The following GALNT10 variants were observed in gnomAD, a reference collection of about 807,000 sequenced individuals.
GALNT10 encodes polypeptide N-acetylgalactosaminyltransferase 10.
In GALNT10, 41 loss-of-function variants were observed where a neutral mutation model predicts 75.0. That is an observed-to-expected ratio of 0.55 (90% CI 0.43 to 0.71). GALNT10 has a LOEUF of 0.71. Ranked by LOEUF, GALNT10 falls within the 30% of genes least tolerant of loss-of-function variation. GALNT10 has a pLI of 0.00. For missense variants in GALNT10, 727 were observed against 818.5 expected, an observed-to-expected ratio of 0.89 and a Z score of 1.36; for synonymous variants, 302 against 313.0, an observed-to-expected ratio of 0.96 and a Z score of 0.37.
At chr5:154,325,879 CA>C (rs1169559653) in intron 3 of GALNT10, among the ~76,000 whole-genome samples, 1 of 151,654 alleles carries the variant, frequency 6.6e-6, no homozygotes, top group African/African-American at 2.4e-5. Flanking sequence ...GACAATTAGA[CA>C]AGAAAAAGAC....
At chr5:154,214,962 T>C (rs1752843097) in intron 1 of GALNT10, among the ~76,000 whole-genome samples, 1 of 152,194 alleles carries the variant, frequency 6.6e-6, no homozygotes, top group South Asian at 2.1e-4. Flanking sequence ...GTGGCAATGA[T>C]TAACTGAGAA....
intron 4 of GALNT10, among the ~76,000 whole-genome samples, chr5:154,339,937 G>A (rs1755007495): frequency 6.6e-6 from 1 of 152,216 alleles, no homozygotes; most frequent in African/African-American, 2.4e-5. Context: ...TCTTCCTTAG[G>A]AAAGCTCCTG....
chr5:154,286,582 G>A (rs78697105), intron 1 of GALNT10, among the ~76,000 whole-genome samples: 2,470 of 152,072 alleles, frequency 0.016, 67 homozygotes, highest in African/African-American at 0.054. Flanking sequence ...CATGCCTTAC[G>A]TAGCAAATGA....
At position 154,409,383 on chromosome 5, in the gene GALNT10, T is replaced by C. The variant is rs865796226; in HGVS notation, c.1165-158T>C. On this transcript the variant is annotated intron_variant, in intron 8 of 11. Coordinates refer to ENST00000297107, the MANE Select transcript of GALNT10 (RefSeq NM_198321.4). This position sits in a 1 kb window ranked among gnomAD's most constrained non-coding sequence, Gnocchi z 4.5. ...CCCTTAAAACATGCATAATGATAAA[T>C]AGAAACACAGAAGGCCTAAACTCAC... is the stretch of plus-strand genomic sequence containing the variant. The C allele has an allele frequency of 1.1e-5, 8 of 700,996 alleles. No individual in the cohort carries two copies. The Middle Eastern group carries it at 9.8e-4, about 85-fold the overall frequency. 43.4% of individuals were successfully genotyped at this position (700,996 alleles called of 1,614,324 possible).
intron 4 of GALNT10, among the ~76,000 whole-genome samples, chr5:154,368,017 C>T (rs1046614921): frequency 8.5e-5 from 13 of 152,194 alleles, no homozygotes; most frequent in African/African-American, 2.2e-4. Flanking sequence ...AACTCACCTT[C>T]GGCATTATGT....
chr5:154,323,493 C>G (rs1354776536), intron 3 of GALNT10, among the ~76,000 whole-genome samples: 1 of 152,192 alleles, frequency 6.6e-6, no homozygotes, highest in Non-Finnish European at 1.5e-5. Context: ...AGGGACCTAC[C>G]TACAGCTGGG....
At chr5:154,373,978 A>G (rs1755616560) in intron 4 of GALNT10, among the ~76,000 whole-genome samples, 1 of 152,206 alleles carries the variant, frequency 6.6e-6, no homozygotes, top group East Asian at 1.9e-4. Flanking sequence ...ACAGGAGATT[A>G]TCTCATTCTC....
intron 1 of GALNT10, among the ~76,000 whole-genome samples, chr5:154,207,057 G>C (rs1775122721): frequency 6.6e-6 from 1 of 152,284 alleles, no homozygotes; most frequent in East Asian, 1.9e-4. Flanking sequence ...TACTGTTGCA[G>C]ACTGTTTTTG....
intron 3 of GALNT10, among the ~76,000 whole-genome samples, chr5:154,305,475 T>G (rs917217585): frequency 6.6e-6 from 1 of 152,144 alleles, no homozygotes; most frequent in Non-Finnish European, 1.5e-5. Context: ...GAAACACACT[T>G]TAAATGTAGA....
At chr5:154,227,722 C>T (rs1294444242) in intron 1 of GALNT10, among the ~76,000 whole-genome samples, 1 of 150,810 alleles carries the variant, frequency 6.6e-6, no homozygotes, top group Admixed American at 6.6e-5. Flanking sequence ...TCTAAGATGT[C>T]TTTGCCTAAC....
At chr5:154,219,536 C>G (rs1039786881) in intron 1 of GALNT10, 19 of 152,420 alleles carry the variant, frequency 1.2e-4, no homozygotes, top group African/African-American at 4.6e-4. Context: ...TGGACATGGG[C>G]TGTTACCACC....
At chr5:154,310,442 T>G (rs1221056706) in intron 3 of GALNT10, among the ~76,000 whole-genome samples, 2 of 8,906 alleles carry the variant, frequency 2.2e-4, no homozygotes, top group East Asian at 2.0e-3. Flanking sequence ...GTTTTTTTTG[T>G]TTTTTTTTTT....
intron 3 of GALNT10, among the ~76,000 whole-genome samples, chr5:154,316,506 G>T (rs1458780612): frequency 6.6e-6 from 1 of 152,238 alleles, no homozygotes; most frequent in African/African-American, 2.4e-5. Context: ...TAACACTTCA[G>T]TCTGTGCCTT....
intron 4 of GALNT10, chr5:154,338,143 A>G: frequency 2.3e-6 from 2 of 879,192 alleles, no homozygotes; most frequent in Middle Eastern, 3.3e-4. Flanking sequence ...CTGGTCTTTG[A>G]GAATCGCCTC....
chr5:154,340,870 C>T (rs944697189), intron 4 of GALNT10, among the ~76,000 whole-genome samples: 21 of 152,150 alleles, frequency 1.4e-4, no homozygotes, highest in East Asian at 9.7e-4. Flanking sequence ...CAAAAATAGG[C>T]GACAGTTGAC....
chr5:154,347,941 G>T (rs1301633433), intron 4 of GALNT10, among the ~76,000 whole-genome samples: 1 of 152,144 alleles, frequency 6.6e-6, no homozygotes, highest in Admixed American at 6.5e-5. Context: ...AGATCCTAAG[G>T]GGGTGGCTCA....
intron 1 of GALNT10, among the ~76,000 whole-genome samples, chr5:154,226,612 T>C (rs1753067311): frequency 6.6e-6 from 1 of 152,248 alleles, no homozygotes; most frequent in Admixed American, 6.5e-5. Context: ...TTTAAGATGT[T>C]ATCTCTGTTT....
chr5:154,245,480 C>T (rs1340775279), intron 1 of GALNT10, among the ~76,000 whole-genome samples: 1 of 151,974 alleles, frequency 6.6e-6, no homozygotes, highest in African/African-American at 2.4e-5. Context: ...CAGAAAGGTT[C>T]AAACTTGTCC....
intron 1 of GALNT10, among the ~76,000 whole-genome samples, chr5:154,279,154 G>T (rs253549): frequency 0.65 from 98,938 of 152,008 alleles, 32,601 homozygotes; most frequent in East Asian, 0.86. Flanking sequence ...CATTTTGCAT[G>T]TTTACTAGCA....
Sources: allele counts gnomAD v4.1 joint callset (sites outside exome capture counted in the v4.1 genomes callset), GRCh38; gene constraint gnomAD v4.1.1; non-coding constraint Gnocchi (gnomAD v3.1); transcripts MANE v1.5; gene names NCBI Gene and HGNC (gene_info 2026-07-23, HGNC 2026-07-21).